TMEM165: variants seen among roughly 807,000 people sequenced by gnomAD.
TMEM165 encodes the protein transmembrane protein 165.
In TMEM165, 19 loss-of-function variants were observed where a neutral mutation model predicts 30.0. The observed-to-expected ratio is 0.63, with a 90% CI of 0.44 to 0.93. TMEM165 has a LOEUF of 0.93. Among genes scored for constraint, TMEM165 ranks in the 40% least tolerant of loss-of-function variants. TMEM165 has a pLI of 0.00. For synonymous variants in TMEM165, 168 were observed against 162.9 expected (o/e 1.03, Z -0.24); for missense variants, 340 against 417.0 (o/e 0.82, Z 1.61).
intron 1 of TMEM165, among the ~76,000 whole-genome samples, chr4:55,409,176 A>G (rs1721385528): frequency 6.6e-6 from 1 of 152,196 alleles, no homozygotes; most frequent in African/African-American, 2.4e-5. Flanking sequence ...CAAGGCAACA[A>G]ATACTTTCCA....
At chr4:55,419,713 T>C (rs1001428408) in intron 4 of TMEM165, among the ~76,000 whole-genome samples, 15 of 152,106 alleles carry the variant, frequency 9.9e-5, no homozygotes, top group Non-Finnish European at 1.8e-4. Context: ...CAGATTCTCT[T>C]TTTATAAGAG....
intron 3 of TMEM165, among the ~76,000 whole-genome samples, chr4:55,444,155 CATTTATA>C (rs1299069560): frequency 1.3e-5 from 2 of 152,186 alleles, no homozygotes; most frequent in African/African-American, 4.8e-5. Context: ...TATCACTTAT[CATTTATA>C]ATTTATAACA....
In TMEM165 at chr4:55,425,429, A is replaced by G. The variant is rs1318388651; in HGVS notation, c.952A>G (p.Ile318Val). Reference protein sequence around the residue: ...FLAFAFSALFISPDSGF With the variant: ...FLAFAFSALFVSPDSGF ...GGCGTTTGCATTTTCTGCACTATTT[A>G]TAAGCCCTGATTCTGGTTTTTAACA... is the stretch of plus-strand genomic sequence containing the variant. Residue 318 changes from isoleucine to valine, a missense_variant, in exon 6 of 6, where the codon ATA becomes GTA. Physicochemically the swap from Ile to Val is conservative, Grantham distance 29. This residue lies in a region of TMEM165 where 220 missense variants were observed against 307.6 expected (regional missense o/e 0.72). Transcript: ENST00000381334. The G allele has an allele frequency of 3.1e-6, 5 of 1,610,214 alleles. No homozygotes were observed. Among genetic ancestry groups the G allele is most frequent in the Non-Finnish European group, 4.2e-6 (5 of 1,178,904 alleles).
intron 3 of TMEM165, chr4:55,435,067 T>C (rs1056693794): frequency 8.8e-6 from 3 of 341,118 alleles, no homozygotes; most frequent in African/African-American, 6.4e-5. Flanking sequence ...ACAGAACCAC[T>C]AAAAGTTACT....
At position 55,425,391 on chromosome 4, in the gene TMEM165, G is replaced by C. The variant is rs376077330; in HGVS notation, c.914G>C (p.Gly305Ala). 7 of 1,613,654 alleles carry C rather than the reference G, an allele frequency of 4.3e-6. No homozygotes were observed. Among genetic ancestry groups the C allele is most frequent in the Non-Finnish European group, 5.9e-6 (7 of 1,179,832 alleles). The change falls in exon 6 of 6, where the codon GGC becomes GCC. Residue 305 changes from glycine to alanine, a missense_variant. Gly to Ala is a moderately conservative substitution (Grantham distance 60, BLOSUM62 0). Around this residue, in one of 2 missense-constraint regions of TMEM165, gnomAD observed 220 missense variants for 307.6 expected, o/e 0.72. Coordinates refer to ENST00000381334, the MANE Select transcript of TMEM165 (RefSeq NM_018475.5). ...ISVRTVTIIG[G>A]IVFLAFAFSA... ...TCTCTTCCAGTGACAATCATAGGAG[G>C]CATCGTTTTTTTGGCGTTTGCATTT... is the stretch of plus-strand genomic sequence containing the variant.
intron 1 of TMEM165, among the ~76,000 whole-genome samples, chr4:55,406,926 G>C (rs1721294434): frequency 6.6e-6 from 1 of 152,168 alleles, no homozygotes; most frequent in Non-Finnish European, 1.5e-5. Context: ...AAAGTGCTGG[G>C]ATTACAGGCA....
chr4:55,442,756 TAC>T, intron 3 of TMEM165: 1 of 856,692 alleles, frequency 1.2e-6, no homozygotes, highest in Non-Finnish European at 1.9e-6. Flanking sequence ...CAGGATATAT[TAC>T]TCTGGGGGAA....
chr4:55,397,629 T>A (rs1188770270), intron 1 of TMEM165, among the ~76,000 whole-genome samples: 2 of 152,026 alleles, frequency 1.3e-5, no homozygotes, highest in Non-Finnish European at 2.9e-5. Flanking sequence ...CCCTTTCCTT[T>A]CCTTTCCTTT....
Position 55,425,664 on chromosome 4 carries a change from C to T in TMEM165, c.*212C>T, listed in dbSNP as rs1369888444. 2.1e-6 allele frequency: 1 copy of T among 476,114 alleles called. No individual in the cohort carries two copies. The highest frequency in any genetic ancestry group is 3.7e-6 in the Non-Finnish European group (1 of 270,338). 29.5% of individuals were successfully genotyped at this position (476,114 alleles called of 1,614,324 possible). A position where few individuals can be genotyped will look rare whatever the true frequency, so the allele number is the denominator to read the frequency against. On this transcript the variant is annotated 3_prime_UTR_variant, in exon 6 of 6. Transcript: ENST00000381334. ...ACCTGACTTCTAAGTGTGGGTTTTTCTTCTCTCCAACATAATTATGTTAAT... is the reference window on the plus strand; with the variant it reads ...ACCTGACTTCTAAGTGTGGGTTTTTTTTCTCTCCAACATAATTATGTTAAT...
intron 1 of TMEM165, among the ~76,000 whole-genome samples, chr4:55,406,567 C>T (rs1721275903): frequency 1.3e-5 from 2 of 152,184 alleles, no homozygotes; most frequent in Admixed American, 1.3e-4. Context: ...GTGTATAGAA[C>T]ATTCTTATTA....
chr4:55,426,546 GCTTT>G (rs538725910), downstream of TMEM165, among the ~76,000 whole-genome samples: 88 of 152,290 alleles, frequency 5.8e-4, no homozygotes, highest in Non-Finnish European at 9.6e-4. Context: ...CATAACAGCT[GCTTT>G]CTCTCAGCCT....
At chr4:55,442,262 GT>G (rs1339611387) in intron 3 of TMEM165, 3 of 649,018 alleles carry the variant, frequency 4.6e-6, no homozygotes, top group Non-Finnish European at 7.9e-6. Context: ...TAATTATGAA[GT>G]CTTTAAACAA....
chr4:55,397,786 G>A (rs1277270448), intron 1 of TMEM165, among the ~76,000 whole-genome samples: 1 of 149,888 alleles, frequency 6.7e-6, no homozygotes, highest in Non-Finnish European at 1.5e-5. Flanking sequence ...TCGCTCTGTC[G>A]CCCAGGCTGG....
At chr4:55,416,737 G>C (rs1721745669) in intron 2 of TMEM165, among the ~76,000 whole-genome samples, 1 of 152,040 alleles carries the variant, frequency 6.6e-6, no homozygotes, top group Non-Finnish European at 1.5e-5. Flanking sequence ...TCTACCCCAG[G>C]TACTGTGCCT....
intron 3 of TMEM165, chr4:55,432,990 G>A (rs1560406278): frequency 6.5e-6 from 1 of 152,678 alleles, no homozygotes. Flanking sequence ...CATCTTTTAA[G>A]TGTGGTATGT....
At chr4:55,400,288 TTATATATAATATTATATATA>T (rs1720921067) in intron 1 of TMEM165, among the ~76,000 whole-genome samples, 1 of 98,368 alleles carries the variant, frequency 1.0e-5, no homozygotes, top group Non-Finnish European at 1.8e-5. Flanking sequence ...ATATTATATA[TTATATATAATATTATATATA>T]ATATTAATAC....
intron 4 of TMEM165, among the ~76,000 whole-genome samples, chr4:55,421,134 T>G (rs1721956442): frequency 8.3e-6 from 1 of 120,394 alleles, no homozygotes; most frequent in East Asian, 2.5e-4. Context: ...GCCACTGCAC[T>G]CCACTCTGGT....
At chr4:55,443,562 A>T in intron 3 of TMEM165, 1 of 778,434 alleles carries the variant, frequency 1.3e-6, no homozygotes, top group Non-Finnish European at 2.2e-6. Flanking sequence ...TCTCAATACT[A>T]TACTTTCTAA....
chr4:55,412,360 C>G (rs1237668264), intron 2 of TMEM165, among the ~76,000 whole-genome samples: 2 of 121,968 alleles, frequency 1.6e-5, no homozygotes, highest in Non-Finnish European at 3.2e-5. Flanking sequence ...CGCCACTACA[C>G]TCCAGCCTGG....
Sources: gnomAD v4.1 joint callset for allele counts (sites outside exome capture counted in the v4.1 genomes callset) on GRCh38, gnomAD v4.1.1 for gene constraint, gnomAD v4.1.1 regional missense constraint, MANE v1.5 for transcripts, NCBI Gene and HGNC (gene_info 2026-07-23, HGNC 2026-07-21) for gene names.